ABHD12: variants seen among roughly 807,000 people sequenced by gnomAD.
ABHD12 encodes abhydrolase domain containing 12, lysophospholipase.
ABHD12 carries 43 observed loss-of-function variants against 58.3 expected under a neutral mutation model. The observed-to-expected ratio is 0.74, with a 90% CI of 0.58 to 0.95. The LOEUF (loss-of-function observed/expected upper bound fraction) is 0.95. Ranked by LOEUF, ABHD12 falls within the 40% of genes least tolerant of loss-of-function variation. The pLI is 0.00. For synonymous variants in ABHD12, 219 were observed against 211.2 expected, an observed-to-expected ratio of 1.04 and a Z score of -0.32; for missense variants, 539 against 537.2, an observed-to-expected ratio of 1.00 and a Z score of -0.03.
Position 25,300,730 on chromosome 20 carries a change from T to C in ABHD12, c.*115A>G, listed in dbSNP as rs540642435. The C allele has an allele frequency of 1.5e-4, 245 of 1,585,020 alleles. No homozygotes were observed. In the African/African-American group the frequency reaches 3.0e-3, roughly 19 times the overall value. On this transcript the variant is annotated 3_prime_UTR_variant, in exon 13 of 13. Transcript: ENST00000339157. ...TCTGAGGTGCTCTCCAGGTGCGAGC[T>C]GGGCTCCTGAGCATTGCAGGTGCCG...
At chr20:25,330,622 C>T (rs990617433) in intron 2 of ABHD12, among the ~76,000 whole-genome samples, 1 of 152,220 alleles carries the variant, frequency 6.6e-6, no homozygotes, top group Non-Finnish European at 1.5e-5. Context: ...GATCTGAGAA[C>T]GGGCAGAATG....
At chr20:25,382,967 A>G (rs2090040249) in intron 1 of ABHD12, among the ~76,000 whole-genome samples, 2 of 152,194 alleles carry the variant, frequency 1.3e-5, no homozygotes, top group Non-Finnish European at 2.9e-5. Context: ...GGCGCCATAA[A>G]CAAAGCCAGC....
chr20:25,369,863 T>C (rs2089875961), intron 1 of ABHD12, among the ~76,000 whole-genome samples: 1 of 138,766 alleles, frequency 7.2e-6, no homozygotes, highest in Non-Finnish European at 1.5e-5. Flanking sequence ...GAGGATTGCA[T>C]AAGGCCAGGA....
In ABHD12 at chr20:25,303,570, G is replaced by A; in HGVS notation, c.1009C>T (p.Pro337Ser). 6.2e-7 allele frequency: 1 copy of A among 1,613,766 alleles called. No homozygotes were observed. The highest frequency in any genetic ancestry group is 8.5e-7 in the Non-Finnish European group (1 of 1,179,980). Reference sequence around the variant, plus strand: ...CCCACCTTTCTGCCAAGCTGGAAGGGCACCACCGGGTCGTCCTCAGCGTGC... The same window carrying A: ...CCCACCTTTCTGCCAAGCTGGAAGGACACCACCGGGTCGTCCTCAGCGTGC... Reference protein sequence around the residue: ...ILHAEDDPVVPFQLGRKLYSI... With the variant: ...ILHAEDDPVVSFQLGRKLYSI... The change falls in exon 11 of 13, where the codon CCC (proline) becomes TCC (serine). Residue 337 changes from proline to serine, a missense_variant. Physicochemically the swap from Pro to Ser is moderately conservative, Grantham distance 74. Transcript: ENST00000339157.
chr20:25,361,496 C>T (rs974189956), intron 1 of ABHD12, among the ~76,000 whole-genome samples: 8 of 152,178 alleles, frequency 5.3e-5, no homozygotes, highest in African/African-American at 1.4e-4. Flanking sequence ...TGCGCCACCT[C>T]GCCTAGGTAA....
intron 10 of ABHD12, 36 bp from the exon 11 acceptor site, chr20:25,303,664 G>C: frequency 6.2e-7 from 1 of 1,612,078 alleles, no homozygotes; most frequent in Non-Finnish European, 8.5e-7. Context: ...CAAGACCAGG[G>C]AAAGGGCAGA....
intron 1 of ABHD12, among the ~76,000 whole-genome samples, chr20:25,367,629 T>C (rs1238011270): frequency 1.3e-5 from 2 of 152,250 alleles, no homozygotes; most frequent in Non-Finnish European, 2.9e-5. Context: ...ACTAGTACCT[T>C]GACGACTCTA....
intron 2 of ABHD12, among the ~76,000 whole-genome samples, chr20:25,324,295 GAT>G (rs1568729461): frequency 6.6e-6 from 1 of 152,160 alleles, no homozygotes; most frequent in East Asian, 1.9e-4. Flanking sequence ...TGGCTGGGAG[GAT>G]ATACAGAAAG....
chr20:25,380,785 C>A (rs1442072055), intron 1 of ABHD12, among the ~76,000 whole-genome samples: 1 of 152,130 alleles, frequency 6.6e-6, no homozygotes, highest in African/African-American at 2.4e-5. Context: ...GGTCTAGGTA[C>A]CACCTGTCAC....
At chr20:25,330,449 G>C (rs538825847) in intron 2 of ABHD12, among the ~76,000 whole-genome samples, 4 of 152,360 alleles carry the variant, frequency 2.6e-5, no homozygotes, top group Non-Finnish European at 4.4e-5. Flanking sequence ...GCTCAAACTG[G>C]GTGGAGCCCA....
rs980374873 is a variant in ABHD12 at position 25,307,902 on chromosome 20, ATTAG to A, written c.867+60_867+63del. The stretch of plus-strand genomic sequence containing the variant: ...AATAATTATTATAATGTATCCTGTA[ATTAG>A]TTATTTCTATAATTTATCTTAATAA... On this transcript the variant is annotated intron_variant, in intron 9 of 12. Transcript: ENST00000339157. 4.4e-4 allele frequency: 345 copies of A among 775,614 alleles called. 2 individuals carry two copies. Among genetic ancestry groups the A allele is most frequent in the Non-Finnish European group, 2.3e-4 (105 of 464,700 alleles). 48.0% of individuals were successfully genotyped at this position (775,614 alleles called of 1,614,324 possible).
chr20:25,308,309 C>CA (rs1433264833), intron 8 of ABHD12, 148 bp downstream of exon 8: 1 of 1,004,788 alleles, frequency 1.0e-6, no homozygotes, highest in Non-Finnish European at 1.5e-6. Context: ...TCAGGTGTAT[C>CA]ATGGGAAGGG....
chr20:25,315,017 G>T, intron 5 of ABHD12, 47 bp from the exon 6 acceptor site: 1 of 1,602,588 alleles, frequency 6.2e-7, no homozygotes, highest in Non-Finnish European at 8.5e-7. Flanking sequence ...CCAAGCATCT[G>T]TATTGAGGGC....
chr20:25,324,632 G>A (rs2089142077), intron 2 of ABHD12, among the ~76,000 whole-genome samples: 1 of 152,124 alleles, frequency 6.6e-6, no homozygotes, highest in African/African-American at 2.4e-5. Context: ...CCATGTCCAT[G>A]TGGCACATTG....
At chr20:25,306,099 A>C (rs1310441957) in intron 10 of ABHD12, among the ~76,000 whole-genome samples, 2 of 152,002 alleles carry the variant, frequency 1.3e-5, no homozygotes, top group East Asian at 3.9e-4. Context: ...TCCAGGAGGC[A>C]GAGGTTGCAG....
chr20:25,306,589 C>T (rs2088746723), intron 10 of ABHD12, among the ~76,000 whole-genome samples: 1 of 152,098 alleles, frequency 6.6e-6, no homozygotes, highest in African/African-American at 2.4e-5. Context: ...GCTATGTTGC[C>T]CAGGCTGGTC....
chr20:25,368,290 G>A (rs62213725), intron 1 of ABHD12: 1 of 1,533,474 alleles, frequency 6.5e-7, no homozygotes, highest in African/African-American at 1.4e-5. Context: ...GTTGTTCACA[G>A]TCAGCAATGG....
chr20:25,295,273 C>T (rs1433071872), downstream of ABHD12, among the ~76,000 whole-genome samples: 1 of 152,270 alleles, frequency 6.6e-6, no homozygotes, highest in African/African-American at 2.4e-5. Context: ...GGGCTCTCCA[C>T]TGTCTGCCCA....
intron 2 of ABHD12, among the ~76,000 whole-genome samples, chr20:25,333,722 A>G (rs532924302): frequency 1.3e-5 from 2 of 152,124 alleles, no homozygotes; most frequent in South Asian, 4.2e-4. Flanking sequence ...GATTATCTCA[A>G]TAGATGCAGA....
Sources: gnomAD v4.1 joint callset for allele counts (sites outside exome capture counted in the v4.1 genomes callset) on GRCh38, gnomAD v4.1.1 for gene constraint, MANE v1.5 for transcripts, NCBI Gene and HGNC (gene_info 2026-07-23, HGNC 2026-07-21) for gene names.